The following FAM107B variants were observed in gnomAD, a reference collection of about 807,000 sequenced individuals.
The protein encoded by FAM107B is protein FAM107B.
FAM107B carries 21 observed loss-of-function variants against 31.5 expected under a neutral mutation model. The observed-to-expected ratio is 0.67, with a 90% CI of 0.47 to 0.96. The LOEUF (loss-of-function observed/expected upper bound fraction) is 0.96. Among genes scored for constraint, FAM107B ranks in the 40% least tolerant of loss-of-function variants. The pLI, the probability that FAM107B is intolerant of heterozygous loss-of-function variation, is 0.00. For synonymous variants in FAM107B, 157 were observed against 141.5 expected (o/e 1.11, Z -0.78); for missense variants, 452 against 377.1 (o/e 1.20, Z -1.64).
chr10:14,552,529 G>A (rs1849354858), intron 2 of FAM107B, among the ~76,000 whole-genome samples: 1 of 151,972 alleles, frequency 6.6e-6, no homozygotes, highest in Non-Finnish European at 1.5e-5. Flanking sequence ...ACAACATGCT[G>A]TATACTGTGA....
At chr10:14,722,552 G>A (rs1342576124) in intron 1 of FAM107B, among the ~76,000 whole-genome samples, 5 of 151,996 alleles carry the variant, frequency 3.3e-5, no homozygotes, top group East Asian at 3.9e-4. Flanking sequence ...CTGCTGTTTC[G>A]ATTTGCATTT....
At chr10:14,594,313 C>A (rs1052835998) in intron 2 of FAM107B, among the ~76,000 whole-genome samples, 1 of 151,952 alleles carries the variant, frequency 6.6e-6, no homozygotes, top group African/African-American at 2.4e-5. Context: ...CAAGACCAAC[C>A]GGGCAACAGA....
chr10:14,580,019 C>CAA (rs34296189), intron 2 of FAM107B, among the ~76,000 whole-genome samples: 4 of 139,218 alleles, frequency 2.9e-5, no homozygotes, highest in Admixed American at 7.2e-5. Context: ...GACTTCATTT[C>CAA]AAAAAAAAAA....
At chr10:14,604,592 G>C (rs1173780040) in intron 2 of FAM107B, among the ~76,000 whole-genome samples, 5 of 151,830 alleles carry the variant, frequency 3.3e-5, no homozygotes, top group African/African-American at 9.7e-5. Context: ...GGGCTGCAGC[G>C]CTCGGCCTCC....
At chr10:14,703,627 G>A (rs1026390388) in intron 1 of FAM107B, among the ~76,000 whole-genome samples, 10 of 152,102 alleles carry the variant, frequency 6.6e-5, no homozygotes, top group Non-Finnish European at 1.3e-4. Context: ...GAGCCACTGC[G>A]CCCAGCCCAG....
At chr10:14,622,308 A>AT (rs35444318) in intron 2 of FAM107B, among the ~76,000 whole-genome samples, 51,854 of 136,540 alleles carry the variant, frequency 0.38, 10,524 homozygotes, top group Non-Finnish European at 0.44. Context: ...AGTATGAGAG[A>AT]TTTTTTTTTT....
chr10:14,585,327 C>T (rs1027095319), intron 2 of FAM107B, among the ~76,000 whole-genome samples: 1 of 152,138 alleles, frequency 6.6e-6, no homozygotes, highest in African/African-American at 2.4e-5. Flanking sequence ...TCTCGCAAGC[C>T]CCATCTTCCC....
intron 3 of FAM107B, among the ~76,000 whole-genome samples, chr10:14,526,702 C>T (rs954307580): frequency 6.6e-6 from 1 of 152,170 alleles, no homozygotes; most frequent in South Asian, 2.1e-4. Flanking sequence ...AAACCAGGAA[C>T]AAGAAGCCAC....
chr10:14,694,503 C>G (rs1429260939), intron 1 of FAM107B, among the ~76,000 whole-genome samples: 1 of 152,180 alleles, frequency 6.6e-6, no homozygotes, highest in East Asian at 1.9e-4. Flanking sequence ...CCTGCCTCAG[C>G]CTCCCGAGTA....
chr10:14,689,341 C>T lies in FAM107B; in HGVS notation c.412-21650G>A, dbSNP rs1259613584. Among the ~76,000 whole-genome samples, 3 of 148,654 alleles carry T rather than the reference C, an allele frequency of 2.0e-5. No homozygotes were observed. In the East Asian group the frequency reaches 5.9e-4, roughly 29 times the overall value. On this transcript the variant is annotated intron_variant, in intron 1 of 4. Coordinates refer to ENST00000181796, the MANE Select transcript of FAM107B (RefSeq NM_031453.4). Reference sequence around the variant, plus strand: ...GCTGCACAGAGCTGAGACCGCACCACTGCACTTTAGCCTGGGCAACAGAAT... The same window carrying T: ...GCTGCACAGAGCTGAGACCGCACCATTGCACTTTAGCCTGGGCAACAGAAT...
intron 1 of FAM107B, among the ~76,000 whole-genome samples, chr10:14,690,327 C>CCTCTTT: frequency 6.6e-6 from 1 of 152,230 alleles, no homozygotes; most frequent in Admixed American, 6.5e-5. Context: ...GCCTCTGTTT[C>CCTCTTT]CTGTTTCTGC....
chr10:14,718,552 G>A (rs1396521810), intron 1 of FAM107B, among the ~76,000 whole-genome samples: 1 of 151,094 alleles, frequency 6.6e-6, no homozygotes, highest in African/African-American at 2.4e-5. Flanking sequence ...AGAGAGGAAG[G>A]AAGGAAGGAA....
At chr10:14,560,277 G>A (rs1850124576) in intron 2 of FAM107B, among the ~76,000 whole-genome samples, 1 of 151,928 alleles carries the variant, frequency 6.6e-6, no homozygotes, top group African/African-American at 2.4e-5. Context: ...TATAAAAGAT[G>A]TACAAGAACA....
chr10:14,575,447 C>G (rs1029924454), intron 2 of FAM107B, among the ~76,000 whole-genome samples: 1 of 152,130 alleles, frequency 6.6e-6, no homozygotes, highest in East Asian at 1.9e-4. Context: ...AAGAGATCTG[C>G]CCGCCTCAAC....
At chr10:14,594,645 T>C (rs1030468457) in intron 2 of FAM107B, among the ~76,000 whole-genome samples, 1 of 152,084 alleles carries the variant, frequency 6.6e-6, no homozygotes, top group South Asian at 2.1e-4. Context: ...CACAGCTCCA[T>C]GAGAAGAAGG....
chr10:14,673,011 C>T (rs1199070774), intron 1 of FAM107B, among the ~76,000 whole-genome samples: 1 of 152,086 alleles, frequency 6.6e-6, no homozygotes, highest in Non-Finnish European at 1.5e-5. Context: ...TTTAAATGGA[C>T]ACATAATAAT....
rs1457595067 is a variant in FAM107B, at chr10:14,774,393, G to C, written c.271C>G (p.Arg91Gly). The change falls in exon 1 of 5, where the codon CGG becomes GGG. Residue 91 changes from arginine (R) to glycine (G), a missense_variant. Transcript: ENST00000181796. The stretch of plus-strand genomic sequence containing the variant: ...GCCGCAGTGCGGTGACTTGAATTCC[G>C]ATTCGCACTGCCATTTCTCTCTGCA... ...THAERNGSAN[R>G]NSSHRTAAQP... 6.2e-7 allele frequency: 1 copy of C among 1,614,210 alleles called. No homozygotes were observed. Among genetic ancestry groups the C allele is most frequent in the Non-Finnish European group, 8.5e-7 (1 of 1,180,036 alleles).
intron 2 of FAM107B, 111 bp downstream of exon 2, chr10:14,667,523 T>A: frequency 9.6e-7 from 1 of 1,045,134 alleles, no homozygotes; most frequent in Non-Finnish European, 1.4e-6. Context: ...ATGTTTCCAA[T>A]CATTTGGAAC....
chr10:14,589,708 T>TA (rs1467041442), intron 2 of FAM107B, among the ~76,000 whole-genome samples: 3 of 152,002 alleles, frequency 2.0e-5, no homozygotes, highest in Non-Finnish European at 2.9e-5. Context: ...ATGCGGGGCT[T>TA]AAAACCTAGA....
Sources: allele counts gnomAD v4.1 joint callset (sites outside exome capture counted in the v4.1 genomes callset), GRCh38; gene constraint gnomAD v4.1.1; transcripts MANE v1.5; gene names NCBI Gene and HGNC (gene_info 2026-07-23, HGNC 2026-07-21).